DELE1: variants seen among roughly 807,000 people sequenced by gnomAD.
The protein encoded by DELE1 is death ligand signal enhancer.
In DELE1, 54 loss-of-function variants were observed where a neutral mutation model predicts 59.3. The ratio of observed to expected loss-of-function variants is 0.91; its 90% CI spans 0.73 to 1.14. The LOEUF is 1.14. DELE1 is among the 50% of genes most tolerant of loss of function. The pLI, the probability that DELE1 is intolerant of heterozygous loss-of-function variation, is 0.00. For synonymous variants in DELE1, 264 were observed against 259.1 expected (o/e 1.02, Z -0.18); for missense variants, 636 against 643.9 (o/e 0.99, Z 0.13).
intron 11 of DELE1, 90 bp downstream of exon 11, chr5:141,937,447 A>C (rs903242559): frequency 6.9e-7 from 1 of 1,453,620 alleles, no homozygotes; most frequent in Non-Finnish European, 9.4e-7. Flanking sequence ...CTGGTCTCCT[A>C]GTCATTTCCA....
intron 8 of DELE1, 45 bp from the exon 9 acceptor site, chr5:141,934,195 C>T (rs774874075): frequency 3.2e-6 from 5 of 1,544,644 alleles, no homozygotes; most frequent in Non-Finnish European, 3.5e-6. Flanking sequence ...GCAAAAGATG[C>T]TTACAGAGTT....
chr5:141,941,572 G>A lies in DELE1; in HGVS notation c.*2813G>A, dbSNP rs552142163. The stretch of plus-strand genomic sequence containing the variant: ...TGCCCCAGAGGAAGTGTGAGAGGAC[G>A]AGAGGGAGGTGGCTCCCATCAGCAG... On this transcript the variant is annotated 3_prime_UTR_variant, in exon 12 of 12. Transcript: ENST00000432126. 51 of 985,408 alleles carry A rather than the reference G, an allele frequency of 5.2e-5. 1 individual carries two copies. The Admixed American group carries it at 2.1e-3, about 40-fold the overall frequency. 61.0% of individuals were successfully genotyped at this position (985,408 alleles called of 1,614,324 possible).
chr5:141,939,252 G>T lies in DELE1; in HGVS notation c.*493G>T, dbSNP rs1046772933. 3.7e-6 allele frequency: 2 copies of T among 536,616 alleles called. No individual in the cohort carries two copies. Among genetic ancestry groups the T allele is most frequent in the Non-Finnish European group, 4.8e-6 (2 of 420,546 alleles). 33.2% of individuals were successfully genotyped at this position (536,616 alleles called of 1,614,324 possible). ...AATATAAAAATATGATTAGCATATTGACCTGTAGTTTGATAGATGTTCTGT... is the reference window on the plus strand; with the variant it reads ...AATATAAAAATATGATTAGCATATTTACCTGTAGTTTGATAGATGTTCTGT... On this transcript the variant is annotated 3_prime_UTR_variant, in exon 12 of 12. Transcript: ENST00000432126.
chr5:141,928,147 C>G lies in DELE1; in HGVS notation c.265-4C>G, dbSNP rs768304980. 5 of 1,612,604 alleles carry G rather than the reference C, an allele frequency of 3.1e-6. No individual in the cohort carries two copies. The highest frequency in any genetic ancestry group is 1.3e-5 in the African/African-American group (1 of 74,932). On this transcript the variant is annotated splice_region_variant and splice_polypyrimidine_tract_variant and intron_variant, in intron 3 of 11. Coordinates refer to ENST00000432126, the MANE Select transcript of DELE1 (RefSeq NM_014773.5). Reference sequence around the variant, plus strand: ...CCGTGTCCTTAACGTGCTGTCTTTCCCAGGGCACTCTGGCCGTGCTGGCCC... The same window carrying G: ...CCGTGTCCTTAACGTGCTGTCTTTCGCAGGGCACTCTGGCCGTGCTGGCCC...
Position 141,938,653 on chromosome 5 carries a change from TC to T in DELE1, c.1443del (p.Cys482AlafsTer29). On this transcript the variant is annotated frameshift_variant, in exon 12 of 12. Coordinates refer to ENST00000432126, the MANE Select transcript of DELE1 (RefSeq NM_014773.5). LOFTEE classifies it low-confidence loss of function (END_TRUNC). ...HASSTGNLGL[L>X]CRSGHLGASL... is the part of the protein sequence containing the mutation. ...TCGAGCACAGGCAACCTTGGCCTCCTCTGCAGAAGTGGGCATCTCGGAGCCA... is the reference window on the plus strand; with the variant it reads ...TCGAGCACAGGCAACCTTGGCCTCCTTGCAGAAGTGGGCATCTCGGAGCCA... 6.2e-7 allele frequency: 1 copy of T among 1,613,958 alleles called. No homozygotes were observed. The highest frequency in any genetic ancestry group is 8.5e-7 in the Non-Finnish European group (1 of 1,179,992).
chr5:141,926,696 G>A (rs1022211403), intron 3 of DELE1, among the ~76,000 whole-genome samples: 1 of 152,264 alleles, frequency 6.6e-6, no homozygotes, highest in Non-Finnish European at 1.5e-5. Context: ...AGCCTGGGAT[G>A]TCTCCATGAC....
intron 10 of DELE1, among the ~76,000 whole-genome samples, chr5:141,935,531 A>G (rs1447582166): frequency 6.6e-6 from 1 of 152,202 alleles, no homozygotes; most frequent in Non-Finnish European, 1.5e-5. Context: ...TGGCCAATAC[A>G]CTGATAGCTT....
intron 10 of DELE1, among the ~76,000 whole-genome samples, chr5:141,935,280 A>G (rs1752265720): frequency 6.6e-6 from 1 of 152,208 alleles, no homozygotes; most frequent in Non-Finnish European, 1.5e-5. Flanking sequence ...TAAGAGGAAA[A>G]AAATGGTTAG....
chr5:141,939,687 A>T lies in DELE1; in HGVS notation c.*928A>T, dbSNP rs1489706267. ...AAGCACCTGCGCCAGTACAGTCAAG[A>T]AGAGGAAAGTGTGTGAAGACCCAGG... On this transcript the variant is annotated 3_prime_UTR_variant, in exon 12 of 12. Coordinates refer to ENST00000432126, the MANE Select transcript of DELE1 (RefSeq NM_014773.5). 1.0e-6 allele frequency: 1 copy of T among 985,740 alleles called. No homozygotes were observed. Among genetic ancestry groups the T allele is most frequent in the African/African-American group, 1.7e-5 (1 of 57,234 alleles). The allele number at this position is 985,740 out of a possible 1,614,324, so 61.1% of individuals were successfully genotyped here.
chr5:141,941,465 C>T lies in DELE1; in HGVS notation c.*2706C>T. The T allele has an allele frequency of 2.0e-6, 2 of 985,496 alleles. No homozygotes were observed. Among genetic ancestry groups the T allele is most frequent in the Non-Finnish European group, 2.4e-6 (2 of 829,978 alleles). 61.0% of individuals were successfully genotyped at this position (985,496 alleles called of 1,614,324 possible). A position where few individuals can be genotyped will look rare whatever the true frequency, so the allele number is the denominator to read the frequency against. On this transcript the variant is annotated 3_prime_UTR_variant, in exon 12 of 12. Transcript: ENST00000432126. Reference sequence around the variant, plus strand: ...AGTCACTGCGGTCTTGATCCAGCCCCAGGGGGATGGGCTTCACTGGCAGAG... The same window carrying T: ...AGTCACTGCGGTCTTGATCCAGCCCTAGGGGGATGGGCTTCACTGGCAGAG...
Position 141,941,095 on chromosome 5 carries a change from G to A in DELE1, c.*2336G>A, listed in dbSNP as rs1752711341. 15 of 985,432 alleles carry A rather than the reference G, an allele frequency of 1.5e-5. No individual in the cohort carries two copies. The highest frequency in any genetic ancestry group is 5.2e-4 in the Middle Eastern group (1 of 1,918). 61.0% of individuals were successfully genotyped at this position (985,432 alleles called of 1,614,324 possible). A position where few individuals can be genotyped will look rare whatever the true frequency, so the allele number is the denominator to read the frequency against. On this transcript the variant is annotated 3_prime_UTR_variant, in exon 12 of 12. Coordinates refer to ENST00000432126, the MANE Select transcript of DELE1 (RefSeq NM_014773.5). ...GGCACCCTCTGCGTGAAATGTCACC[G>A]TGTGCCCTCCCTGTGGAGCCCCACT...
At chr5:141,929,517 T>C (rs1315108253) in intron 4 of DELE1, 65 bp from the exon 5 acceptor site, 3 of 1,554,704 alleles carry the variant, frequency 1.9e-6, no homozygotes, top group Non-Finnish European at 2.6e-6. Context: ...CCCAAGGTGC[T>C]GTGATTATAG....
At chr5:141,927,263 C>T (rs57371256) in intron 3 of DELE1, among the ~76,000 whole-genome samples, 1 of 152,012 alleles carries the variant, frequency 6.6e-6, no homozygotes, top group African/African-American at 2.4e-5. Context: ...CGCAGTGGTG[C>T]GATCCTGGCT....
In DELE1 at chr5:141,939,562, A is replaced by G; in HGVS notation, c.*803A>G. On this transcript the variant is annotated 3_prime_UTR_variant, in exon 12 of 12. Transcript: ENST00000432126. Reference sequence around the variant, plus strand: ...GTCTGCTTGACTTTCAGAACTTCTCACCTCAGCCCTAAAGAGGGAGCCTGT... The same window carrying G: ...GTCTGCTTGACTTTCAGAACTTCTCGCCTCAGCCCTAAAGAGGGAGCCTGT... 1.4e-5 allele frequency: 14 copies of G among 983,172 alleles called. No homozygotes were observed. Among genetic ancestry groups the G allele is most frequent in the Non-Finnish European group, 1.7e-5 (14 of 829,546 alleles). 60.9% of individuals were successfully genotyped at this position (983,172 alleles called of 1,614,324 possible).
rs750311529 is a variant in DELE1, at chr5:141,933,410, C to T, written c.897+9C>T. 2.0e-6 allele frequency: 3 copies of T among 1,465,384 alleles called. No homozygotes were observed. The highest frequency in any genetic ancestry group is 2.8e-6 in the Non-Finnish European group (3 of 1,085,000). The allele number at this position is 1,465,384 out of a possible 1,614,324, so 90.8% of individuals were successfully genotyped here. On this transcript the variant is annotated intron_variant, in intron 8 of 11. Transcript: ENST00000432126. ...CCAGGGACATTAGCAAGGTATTCCC[C>T]TGCCCCCAAGCCTGCCTTCTGTGCT...
chr5:141,927,313 G>C (rs1751501347), intron 3 of DELE1, among the ~76,000 whole-genome samples: 1 of 152,132 alleles, frequency 6.6e-6, no homozygotes, highest in South Asian at 2.1e-4. Flanking sequence ...CAATTTTCAT[G>C]CCTCAACCTC....
At chr5:141,936,081 G>C (rs933993988) in intron 10 of DELE1, among the ~76,000 whole-genome samples, 5 of 152,204 alleles carry the variant, frequency 3.3e-5, no homozygotes, top group African/African-American at 1.2e-4. Flanking sequence ...ATGGTTGAGA[G>C]TCAATAGTGT....
chr5:141,941,423 A>G lies in DELE1; in HGVS notation c.*2664A>G, dbSNP rs996695200. 1.8e-5 allele frequency: 18 copies of G among 985,434 alleles called. No individual in the cohort carries two copies. The highest frequency in any genetic ancestry group is 1.1e-4 in the East Asian group (1 of 8,836). The allele number at this position is 985,434 out of a possible 1,614,324, so 61.0% of individuals were successfully genotyped here. On this transcript the variant is annotated 3_prime_UTR_variant, in exon 12 of 12. Transcript: ENST00000432126. Reference sequence around the variant, plus strand: ...TGAGAAAGGTGTTGTCAAGGGACCAAAAATCCTTGGCTGTTCAGTCACTGC... The same window carrying G: ...TGAGAAAGGTGTTGTCAAGGGACCAGAAATCCTTGGCTGTTCAGTCACTGC...
intron 2 of DELE1, among the ~76,000 whole-genome samples, chr5:141,925,062 G>A (rs1751281268): frequency 6.6e-6 from 1 of 152,074 alleles, no homozygotes; most frequent in Non-Finnish European, 1.5e-5. Flanking sequence ...CAAGTAGCTG[G>A]GATTTCAGGC....
Sources: gnomAD v4.1 joint callset for allele counts (sites outside exome capture counted in the v4.1 genomes callset) on GRCh38, gnomAD v4.1.1 for gene constraint, MANE v1.5 for transcripts, NCBI Gene and HGNC (gene_info 2026-07-23, HGNC 2026-07-21) for gene names.